The following RGPD6 variants were observed in gnomAD, a reference collection of about 807,000 sequenced individuals.
RGPD6 encodes RANBP2 like and GRIP domain containing 6.
chr2:110,594,138 T>C, the RGPD6 span, among the ~76,000 whole-genome samples: 5 of 147,624 alleles, frequency 3.4e-5, no homozygotes, highest in Non-Finnish European at 7.4e-5. Context: ...TATTAATAGA[T>C]TAAAGTATAT....
At chr2:110,600,047 G>C in the RGPD6 span, among the ~76,000 whole-genome samples, 1 of 152,124 alleles carries the variant, frequency 6.6e-6, no homozygotes, top group Non-Finnish European at 1.5e-5. Context: ...GAAAAACTCA[G>C]CAGGCTCCAA....
At chr2:110,592,817 A>G in the RGPD6 span, among the ~76,000 whole-genome samples, 1 of 141,682 alleles carries the variant, frequency 7.1e-6, no homozygotes, top group East Asian at 2.0e-4. Context: ...AAGAATTCCC[A>G]TATCTAAGAG....
the RGPD6 span, among the ~76,000 whole-genome samples, chr2:110,593,407 A>G: frequency 3.4e-3 from 494 of 145,800 alleles, 10 homozygotes; most frequent in East Asian, 0.019. Context: ...TATTGAAGCA[A>G]GGTAGTAGAG....
At chr2:110,604,791 T>C in the RGPD6 span, among the ~76,000 whole-genome samples, 1 of 148,382 alleles carries the variant, frequency 6.7e-6, no homozygotes, top group African/African-American at 2.5e-5. Context: ...TGCCTATTAA[T>C]CTGTATTAAG....
chr2:110,599,410 AC>A, the RGPD6 span, among the ~76,000 whole-genome samples: 1 of 51,690 alleles, frequency 1.9e-5, no homozygotes, highest in Non-Finnish European at 3.8e-5. Context: ...CTAAAACATT[AC>A]TTTTTTTTTC....
the RGPD6 span, chr2:110,610,869 T>G: frequency 2.2e-6 from 2 of 903,552 alleles, no homozygotes; most frequent in African/African-American, 4.1e-5. Flanking sequence ...CCGCTCAAGG[T>G]GCATCCCAGC....
At chr2:110,592,922 T>C in the RGPD6 span, among the ~76,000 whole-genome samples, 1 of 146,504 alleles carries the variant, frequency 6.8e-6, no homozygotes, top group African/African-American at 2.7e-5. Context: ...GTATATTAAA[T>C]GGGCTTGAAA....
chr2:110,600,072 T>G, the RGPD6 span, among the ~76,000 whole-genome samples: 1 of 152,050 alleles, frequency 6.6e-6, no homozygotes, highest in African/African-American at 2.4e-5. Context: ...AACTCTGTCC[T>G]GGGCTCTACA....
the RGPD6 span, among the ~76,000 whole-genome samples, chr2:110,596,627 TA>T: frequency 6.7e-6 from 1 of 149,002 alleles, no homozygotes. Flanking sequence ...TCTTCATCCA[TA>T]AAATTTGTCA....
the RGPD6 span, among the ~76,000 whole-genome samples, chr2:110,604,681 A>AT: frequency 6.6e-6 from 1 of 151,498 alleles, no homozygotes. Flanking sequence ...AAAAATTAAA[A>AT]TAAAAAAAAA....
At chr2:110,589,359 GATAAA>G in the RGPD6 span, among the ~76,000 whole-genome samples, 20 of 151,422 alleles carry the variant, frequency 1.3e-4, no homozygotes, top group African/African-American at 4.9e-4. Context: ...TCAAAAAAAG[GATAAA>G]ATAAAATAAA....
At chr2:110,596,961 AATATATATT>A in the RGPD6 span, among the ~76,000 whole-genome samples, 3 of 78,554 alleles carry the variant, frequency 3.8e-5, 1 homozygote, top group African/African-American at 1.6e-4. Context: ...TAATATATAT[AATATATATT>A]ATGTATATAT....
At chr2:110,597,043 A>G in the RGPD6 span, among the ~76,000 whole-genome samples, 4 of 96,614 alleles carry the variant, frequency 4.1e-5, no homozygotes, top group African/African-American at 1.8e-4. Context: ...CAATGGCGCA[A>G]TCTAGGCTCA....
At chr2:110,596,973 G>GTATATATAATATATATAATATATATTATA in the RGPD6 span, among the ~76,000 whole-genome samples, 7 of 115,286 alleles carry the variant, frequency 6.1e-5, no homozygotes, top group Non-Finnish European at 1.0e-4. Context: ...TATATATTAT[G>GTATATATAATATATATAATATATATTATA]TATATATATA....
At chr2:110,610,738 C>T in the RGPD6 span, among the ~76,000 whole-genome samples, 8 of 145,792 alleles carry the variant, frequency 5.5e-5, no homozygotes, top group African/African-American at 2.0e-4. Context: ...GGTCCCATTC[C>T]TGGAGCAGGG....
At chr2:110,610,666 C>T in the RGPD6 span, among the ~76,000 whole-genome samples, 1 of 141,596 alleles carries the variant, frequency 7.1e-6, no homozygotes, top group South Asian at 2.2e-4. Context: ...CCGCCGCGGC[C>T]GCCCCTCGCC....
At chr2:110,605,669 GTTGAT>G in the RGPD6 span, among the ~76,000 whole-genome samples, 1 of 151,488 alleles carries the variant, frequency 6.6e-6, no homozygotes, top group African/African-American at 2.4e-5. Context: ...TCCCCTGGCA[GTTGAT>G]TTGAAGACAA....
At chr2:110,607,667 T>C in the RGPD6 span, among the ~76,000 whole-genome samples, 9 of 147,466 alleles carry the variant, frequency 6.1e-5, no homozygotes, top group Admixed American at 2.7e-4. Flanking sequence ...ATTTGTTCAA[T>C]TGGAAAATGA....
the RGPD6 span, among the ~76,000 whole-genome samples, chr2:110,597,135 C>T: frequency 1.8e-4 from 9 of 48,954 alleles, no homozygotes; most frequent in African/African-American, 5.5e-4. Flanking sequence ...TCCACCACCA[C>T]GCCTAGCTAA....
Sources: allele counts gnomAD v4.1 joint callset (sites outside exome capture counted in the v4.1 genomes callset), GRCh38; gene constraint gnomAD v4.1.1; transcripts MANE v1.5; gene names NCBI Gene and HGNC (gene_info 2026-07-23, HGNC 2026-07-21).